Variants in RPRD1A observed in about 807,000 individuals in gnomAD.
RPRD1A encodes the protein regulation of nuclear pre-mRNA domain-containing protein 1A.
RPRD1A carries 9 observed loss-of-function variants against 37.8 expected under a neutral mutation model. The ratio of observed to expected loss-of-function variants is 0.24; its 90% confidence interval spans 0.14 to 0.42. RPRD1A has a LOEUF of 0.42. Ranked by LOEUF, RPRD1A falls within the 10% of genes least tolerant of loss-of-function variation. The pLI is 1.00. For missense variants in RPRD1A, 255 were observed against 371.0 expected (o/e 0.69, Z 2.57); for synonymous variants, 138 against 139.7 (o/e 0.99, Z 0.08).
chr18:36,047,012 A>G (rs1348573272), intron 1 of RPRD1A, among the ~76,000 whole-genome samples: 1 of 152,026 alleles, frequency 6.6e-6, no homozygotes, highest in African/African-American at 2.4e-5. Context: ...ACTTTAAAGC[A>G]GCCACCAAGG....
intron 6 of RPRD1A, among the ~76,000 whole-genome samples, chr18:36,008,591 C>A (rs192736053): frequency 0.26 from 3,014 of 11,554 alleles, 196 homozygotes; most frequent in East Asian, 0.48. Context: ...ATATATATAT[C>A]TTTAAAAATC....
intron 4 of RPRD1A, among the ~76,000 whole-genome samples, chr18:36,030,141 T>C (rs1188622974): frequency 3.3e-5 from 5 of 151,128 alleles, no homozygotes; most frequent in Non-Finnish European, 5.9e-5. Context: ...AAAACAAAAA[T>C]ACTTAAAGGG....
chr18:36,039,588 T>C (rs1912439337), intron 1 of RPRD1A, among the ~76,000 whole-genome samples: 1 of 152,278 alleles, frequency 6.6e-6, no homozygotes. Flanking sequence ...TTGTTCATAA[T>C]GGTAGAAAGT....
intron 1 of RPRD1A, among the ~76,000 whole-genome samples, chr18:36,049,796 T>C (rs983871089): frequency 1.3e-5 from 2 of 152,200 alleles, no homozygotes; most frequent in Non-Finnish European, 2.9e-5. Context: ...TGTGCATATA[T>C]CTGTTTGAGT....
intron 1 of RPRD1A, among the ~76,000 whole-genome samples, chr18:36,038,447 T>C (rs1472145631): frequency 6.6e-6 from 1 of 152,230 alleles, no homozygotes; most frequent in Non-Finnish European, 1.5e-5. Flanking sequence ...AGGCAATACT[T>C]AAGGTTTGGG....
chr18:36,045,085 C>T (rs1912859205), intron 1 of RPRD1A, among the ~76,000 whole-genome samples: 2 of 151,846 alleles, frequency 1.3e-5, no homozygotes, highest in African/African-American at 2.4e-5. Flanking sequence ...ACTAAAAATA[C>T]AGAAATTAGC....
chr18:36,012,358 T>C (rs1910228974), intron 6 of RPRD1A, among the ~76,000 whole-genome samples: 1 of 152,216 alleles, frequency 6.6e-6, no homozygotes, highest in Non-Finnish European at 1.5e-5. Flanking sequence ...ATGTATTTAC[T>C]ACACTTTTTA....
rs1384300502 is a variant in RPRD1A at position 36,030,890 on chromosome 18, G to A, written c.404C>T (p.Pro135Leu). The change falls in exon 4 of 7, where the codon CCT becomes CTT. Residue 135 changes from proline (P) to leucine (L), a missense_variant. By Grantham distance (98) the Pro-to-Leu change is moderately conservative. This residue lies in a region of RPRD1A where 211 missense variants were observed against 268.9 expected (regional missense o/e 0.78). Coordinates refer to ENST00000399022, the MANE Select transcript of RPRD1A (RefSeq NM_018170.5). ...TATCTGTTCATAAGTTCGCTTCCTA[G>A]GCTTCTTATCACCATCTGAAATGAA... is the stretch of plus-strand genomic sequence containing the variant. ...LKQALYGDKK[P>L]RKRTYEQIKV... The A allele has an allele frequency of 6.2e-7, 1 of 1,612,104 alleles. No homozygotes were observed. The highest frequency in any genetic ancestry group is 8.5e-7 in the Non-Finnish European group (1 of 1,178,996).
rs1908689741 is a variant in RPRD1A, at chr18:35,991,002, A to C, written c.*2149T>G. On this transcript the variant is annotated 3_prime_UTR_variant, in exon 7 of 7. Transcript: ENST00000399022. Reference sequence around the variant, plus strand: ...ACAAATCTCATCAAGCTCTTTAAAAAAATAATGCATTTTTATCATAAATAT... The same window carrying C: ...ACAAATCTCATCAAGCTCTTTAAAACAATAATGCATTTTTATCATAAATAT... 6.6e-6 allele frequency: 1 copy of C among 152,226 alleles called. No homozygotes were observed. Among genetic ancestry groups the C allele is most frequent in the African/African-American group, 2.4e-5 (1 of 41,464 alleles). The allele number at this position is 152,226 out of a possible 1,614,324, so 9.4% of individuals were successfully genotyped here.
chr18:36,003,103 C>T (rs549767382), intron 6 of RPRD1A, among the ~76,000 whole-genome samples: 2 of 152,312 alleles, frequency 1.3e-5, no homozygotes, highest in East Asian at 1.9e-4. Flanking sequence ...CCCCAGTTCC[C>T]TCAACTGTTC....
In RPRD1A at chr18:36,030,887, C is replaced by T. The variant is rs779668769; in HGVS notation, c.407G>A (p.Arg136Lys). 4.3e-6 allele frequency: 7 copies of T among 1,612,240 alleles called. No homozygotes were observed. In the East Asian group the frequency reaches 1.6e-4, roughly 36 times the overall value. The change falls in exon 4 of 7, where the codon AGG becomes AAG. Residue 136 changes from arginine (R) to lysine (K), a missense_variant. Physicochemically the swap from Arg to Lys is conservative, Grantham distance 26 (BLOSUM62 2). This residue lies in a region of RPRD1A where 211 missense variants were observed against 268.9 expected (regional missense o/e 0.78). Transcript: ENST00000399022. ...CTTTATCTGTTCATAAGTTCGCTTC[C>T]TAGGCTTCTTATCACCATCTGAAAT... ...KQALYGDKKP[R>K]KRTYEQIKVD...
At chr18:36,051,674 G>T (rs557159207) in intron 1 of RPRD1A, among the ~76,000 whole-genome samples, 1 of 152,142 alleles carries the variant, frequency 6.6e-6, no homozygotes, top group Non-Finnish European at 1.5e-5. Flanking sequence ...CCAATAATAA[G>T]AAATTCAACA....
Position 36,035,709 on chromosome 18 carries a change from A to C in RPRD1A, c.152-1872T>G, listed in dbSNP as rs145710140. ...TAAGAGCAACCTAACCCACTGATCA[A>C]TGAATAAACAAAATGTGAATTATAT... On this transcript the variant is annotated intron_variant, in intron 1 of 6. Coordinates refer to ENST00000399022, the MANE Select transcript of RPRD1A (RefSeq NM_018170.5). 5.4e-3 allele frequency among the ~76,000 whole-genome samples: 825 copies of C among 152,352 alleles called. 7 individuals carry two copies. Among genetic ancestry groups the C allele is most frequent in the Middle Eastern group, 0.02 (6 of 294 alleles).
At chr18:36,049,705 T>A (rs577622806) in intron 1 of RPRD1A, among the ~76,000 whole-genome samples, 2 of 152,320 alleles carry the variant, frequency 1.3e-5, no homozygotes, top group East Asian at 3.9e-4. Flanking sequence ...GTTTATTCAT[T>A]TATCTGTTGT....
At chr18:36,015,361 A>G (rs990848734) in intron 6 of RPRD1A, among the ~76,000 whole-genome samples, 8 of 151,868 alleles carry the variant, frequency 5.3e-5, no homozygotes, top group African/African-American at 1.7e-4. Flanking sequence ...TACAGGTGCC[A>G]GCCACCACGT....
chr18:36,039,810 T>C (rs1912455928), intron 1 of RPRD1A, among the ~76,000 whole-genome samples: 1 of 152,082 alleles, frequency 6.6e-6, no homozygotes. Flanking sequence ...AGGGAAACCT[T>C]CTACATGGAA....
At chr18:36,008,577 G>GTGTGTGTGTGTATA in intron 6 of RPRD1A, among the ~76,000 whole-genome samples, 1 of 47,802 alleles carries the variant, frequency 2.1e-5, no homozygotes, top group Non-Finnish European at 4.3e-5. Context: ...CCTTGTGTGT[G>GTGTGTGTGTGTATA]TATATATATA....
At chr18:36,042,485 CAG>C (rs769307563) in intron 1 of RPRD1A, among the ~76,000 whole-genome samples, 1 of 152,154 alleles carries the variant, frequency 6.6e-6, no homozygotes, top group South Asian at 2.1e-4. Context: ...GCCAGCACAG[CAG>C]AGAGGGGAAC....
chr18:35,995,242 A>G (rs1908959831), intron 6 of RPRD1A, among the ~76,000 whole-genome samples: 1 of 149,892 alleles, frequency 6.7e-6, no homozygotes, highest in Non-Finnish European at 1.5e-5. Context: ...TCTGCTCTCC[A>G]ATTTTTTTGC....
Sources: gnomAD v4.1 joint callset for allele counts (sites outside exome capture counted in the v4.1 genomes callset) on GRCh38, gnomAD v4.1.1 for gene constraint, gnomAD v4.1.1 regional missense constraint, MANE v1.5 for transcripts, NCBI Gene and HGNC (gene_info 2026-07-23, HGNC 2026-07-21) for gene names.